Variants in CLPX observed in about 807,000 individuals in gnomAD.
The protein encoded by CLPX is ATP-dependent clpX-like chaperone, mitochondrial.
In CLPX, 34 loss-of-function variants were observed where a neutral mutation model predicts 76.4. The ratio of observed to expected loss-of-function variants is 0.45; its 90% CI spans 0.34 to 0.59. CLPX has a LOEUF of 0.59. Among genes scored for constraint, CLPX ranks in the 20% least tolerant of loss-of-function variants. The probability of loss-of-function intolerance (pLI) is 0.01; values close to 1 mark genes in which losing one functional copy is unlikely to be tolerated. For synonymous variants in CLPX, 248 were observed against 270.9 expected (o/e 0.92, Z 0.83); for missense variants, 613 against 757.0 (o/e 0.81, Z 2.23).
intron 11 of CLPX, among the ~76,000 whole-genome samples, chr15:65,153,933 C>T (rs1203948246): frequency 6.6e-6 from 1 of 152,120 alleles, no homozygotes; most frequent in Admixed American, 6.5e-5. Flanking sequence ...CTTTGCCAAG[C>T]AACTTACAGT....
intron 3 of CLPX, among the ~76,000 whole-genome samples, chr15:65,178,428 T>C (rs920496690): frequency 1.1e-4 from 16 of 152,182 alleles, no homozygotes; most frequent in Admixed American, 1.0e-3. Flanking sequence ...GTCCTGAAGA[T>C]TTTCTAGTAT....
chr15:65,183,856 T>G (rs2088215873), intron 1 of CLPX, among the ~76,000 whole-genome samples: 1 of 152,198 alleles, frequency 6.6e-6, no homozygotes, highest in Non-Finnish European at 1.5e-5. Flanking sequence ...TGACACACAG[T>G]GGACCCTTGA....
chr15:65,158,146 C>T, intron 7 of CLPX: 1 of 381,114 alleles, frequency 2.6e-6, no homozygotes, highest in Non-Finnish European at 4.7e-6. Flanking sequence ...GATCCTCCTG[C>T]CTCAGCCTCA....
At chr15:65,168,277 G>A (rs1276331200) in intron 3 of CLPX, among the ~76,000 whole-genome samples, 5 of 147,300 alleles carry the variant, frequency 3.4e-5, no homozygotes, top group East Asian at 2.1e-4. Flanking sequence ...CCAGCTGCTC[G>A]GGAGGCTGAG....
At chr15:65,170,582 T>C (rs999271538) in intron 3 of CLPX, among the ~76,000 whole-genome samples, 1 of 151,892 alleles carries the variant, frequency 6.6e-6, no homozygotes, top group Non-Finnish European at 1.5e-5. Flanking sequence ...CTGGCCAACA[T>C]GGCGAAACCC....
intron 13 of CLPX, 65 bp downstream of exon 13, chr15:65,152,365 T>C: frequency 1.6e-6 from 1 of 630,076 alleles, no homozygotes; most frequent in South Asian, 3.3e-5. Context: ...GACAAACCAA[T>C]AAACATAGCA....
At position 65,155,032 on chromosome 15, in the gene CLPX, G is replaced by A. The variant is rs764840084; in HGVS notation, c.1361C>T (p.Ala454Val). The A allele has an allele frequency of 7.4e-6, 12 of 1,613,972 alleles. No homozygotes were observed. The South Asian group carries it at 1.2e-4, about 16-fold the overall frequency. ...PSNLGKGRRAAAAADLANRSG... is the reference protein window; with the variant it reads ...PSNLGKGRRAVAAADLANRSG... ...TCGATTAGCAAGGTCTGCAGCAGCT[G>A]CAGCCCTTCTGCCTTTTCCCAGATT... The change falls in exon 11 of 14, where the codon GCA (alanine) becomes GTA (valine). Residue 454 changes from alanine (A) to valine (V), a missense_variant. By Grantham distance (64) the Ala-to-Val change is moderately conservative (BLOSUM62 0). Transcript: ENST00000300107.
chr15:65,151,676 A>G (rs191778223), intron 13 of CLPX, among the ~76,000 whole-genome samples: 1 of 152,192 alleles, frequency 6.6e-6, no homozygotes, highest in African/African-American at 2.4e-5. Context: ...CCATACGTCA[A>G]TGTCATTAAA....
chr15:65,154,612 A>C, intron 11 of CLPX, 170 bp downstream of exon 11: 1 of 573,454 alleles, frequency 1.7e-6, no homozygotes, highest in South Asian at 2.6e-5. Flanking sequence ...ACAACTCCTA[A>C]ATTCTAACAT....
chr15:65,185,056 A>T lies in CLPX; in HGVS notation c.79+19T>A, dbSNP rs1272360047. On this transcript the variant is annotated intron_variant, in intron 1 of 13. Coordinates refer to ENST00000300107, the MANE Select transcript of CLPX (RefSeq NM_006660.5). The stretch of plus-strand genomic sequence containing the variant: ...CCCCCCGACAGGCTGAGGGCTCAGG[A>T]GTGGCACTATTTCGTTACCTCTCTG... 1.6e-6 allele frequency: 2 copies of T among 1,265,122 alleles called. No individual in the cohort carries two copies. The highest frequency in any genetic ancestry group is 2.5e-5 in the South Asian group (2 of 78,624). 78.4% of individuals were successfully genotyped at this position (1,265,122 alleles called of 1,614,324 possible).
chr15:65,157,088 C>A (rs2087799434), intron 8 of CLPX, among the ~76,000 whole-genome samples, 156 bp from the exon 9 acceptor site: 1 of 152,194 alleles, frequency 6.6e-6, no homozygotes, highest in Non-Finnish European at 1.5e-5. Context: ...ACTTTTATTT[C>A]TTCCATCCAT....
intron 1 of CLPX, among the ~76,000 whole-genome samples, chr15:65,183,886 G>T: frequency 6.6e-6 from 1 of 152,216 alleles, no homozygotes; most frequent in Non-Finnish European, 1.5e-5. Context: ...ATATATATCA[G>T]ATAAATGGAT....
At chr15:65,180,331 GA>G in intron 1 of CLPX, 127 bp from the exon 2 acceptor site, 20 of 600,480 alleles carry the variant, frequency 3.3e-5, no homozygotes, top group South Asian at 7.7e-5. Flanking sequence ...TAAACTGAGA[GA>G]AAAAAAATGA....
chr15:65,177,491 T>A (rs2088105512), intron 3 of CLPX, among the ~76,000 whole-genome samples: 1 of 152,200 alleles, frequency 6.6e-6, no homozygotes, highest in South Asian at 2.1e-4. Context: ...TAGTACCTTT[T>A]CATATGGTGG....
intron 1 of CLPX, among the ~76,000 whole-genome samples, chr15:65,182,714 G>A (rs2088191163): frequency 6.6e-6 from 1 of 152,120 alleles, no homozygotes; most frequent in Non-Finnish European, 1.5e-5. Context: ...TAAACCCCAG[G>A]TGAAGCTCTG....
chr15:65,158,647 C>T lies in CLPX; in HGVS notation c.820G>A (p.Val274Ile), dbSNP rs1187839679. The T allele has an allele frequency of 6.2e-7, 1 of 1,613,830 alleles. No homozygotes were observed. Among genetic ancestry groups the T allele is most frequent in the Non-Finnish European group, 8.5e-7 (1 of 1,179,924 alleles). The change falls in exon 7 of 14, where the codon GTA becomes ATA. Residue 274 changes from valine (V) to isoleucine (I), a missense_variant. This residue lies in a region of CLPX where 450 missense variants were observed against 638.6 expected (regional missense o/e 0.70). Transcript: ENST00000300107. The part of the protein sequence containing the change: ...QIPQEKRGGE[V>I]LDSSHDDIKL... ...ATGTCATCATGAGAAGAATCCAATACTTCACCTCCTCGTTTTTCCTGAGGT... is the reference window on the plus strand; with the variant it reads ...ATGTCATCATGAGAAGAATCCAATATTTCACCTCCTCGTTTTTCCTGAGGT...
chr15:65,157,902 G>A lies in CLPX; in HGVS notation c.901C>T (p.Leu301=), dbSNP rs763973912. The change falls in exon 8 of 14, where the codon CTG becomes TTG. Residue 301 remains leucine (L), a synonymous_variant. Coordinates refer to ENST00000300107, the MANE Select transcript of CLPX (RefSeq NM_006660.5). ...CATTTAGCTAGGGTTTGTGCCAGCA[G>A]AGTTTTACCTACAAATAGAAACAGT... is the stretch of plus-strand genomic sequence containing the variant. The part of the protein sequence containing the change: ...LLGPTGSGKT[L]LAQTLAKCLD... 3.2e-6 allele frequency: 5 copies of A among 1,585,876 alleles called. No homozygotes were observed. Among genetic ancestry groups the A allele is most frequent in the East Asian group, 4.6e-5 (2 of 43,554 alleles).
In CLPX at chr15:65,157,918, T is replaced by C. The variant is rs201678998; in HGVS notation, c.893-8A>G. ...GTGCCAGCAGAGTTTTACCTACAAA[T>C]AGAAACAGTCACTAAAAGTTTACTG... On this transcript the variant is annotated splice_polypyrimidine_tract_variant and splice_region_variant and intron_variant, in intron 7 of 13. Coordinates refer to ENST00000300107, the MANE Select transcript of CLPX (RefSeq NM_006660.5). 47 of 1,564,854 alleles carry C rather than the reference T, an allele frequency of 3.0e-5. No homozygotes were observed. The highest frequency in any genetic ancestry group is 1.7e-4 in the Middle Eastern group (1 of 5,890).
In CLPX at chr15:65,148,593, C is replaced by T. The variant is rs774946332; in HGVS notation, c.*2230G>A. On this transcript the variant is annotated 3_prime_UTR_variant, in exon 14 of 14. Transcript: ENST00000300107. ...TACAAAGTGCATTTCTGGTCCTACC[C>T]AGCCATAAATACCATACATCCCTTT... 2.0e-5 allele frequency: 3 copies of T among 152,082 alleles called. No individual in the cohort carries two copies. The highest frequency in any genetic ancestry group is 2.9e-5 in the Non-Finnish European group (2 of 68,016). The allele number at this position is 152,082 out of a possible 1,614,324, so 9.4% of individuals were successfully genotyped here. A position where few individuals can be genotyped will look rare whatever the true frequency, so the allele number is the denominator to read the frequency against.
Sources: gnomAD v4.1 joint callset for allele counts (sites outside exome capture counted in the v4.1 genomes callset) on GRCh38, gnomAD v4.1.1 for gene constraint, gnomAD v4.1.1 regional missense constraint, MANE v1.5 for transcripts, NCBI Gene and HGNC (gene_info 2026-07-23, HGNC 2026-07-21) for gene names.